The following EIF4G3 variants were observed in gnomAD, a reference collection of about 807,000 sequenced individuals.
EIF4G3 encodes the protein eIF-4-gamma 3.
EIF4G3 carries 34 observed loss-of-function variants against 186.4 expected under a neutral mutation model. The observed-to-expected ratio is 0.18, with a 90% CI of 0.14 to 0.24. EIF4G3 has a LOEUF of 0.24. Among genes scored for constraint, EIF4G3 ranks in the 10% least tolerant of loss-of-function variants. The pLI is 1.00. For missense variants in EIF4G3, 1,536 were observed against 1,948.5 expected (o/e 0.79, Z 3.99); for synonymous variants, 673 against 679.5 (o/e 0.99, Z 0.15).
chr1:21,021,954 A>G (rs1299403126), intron 4 of EIF4G3, among the ~76,000 whole-genome samples: 1 of 152,184 alleles, frequency 6.6e-6, no homozygotes, highest in Non-Finnish European at 1.5e-5. Flanking sequence ...TTGCTACTAT[A>G]ATTTAATATT....
At chr1:21,110,557 A>C (rs1003647383) in intron 2 of EIF4G3, among the ~76,000 whole-genome samples, 7 of 152,082 alleles carry the variant, frequency 4.6e-5, no homozygotes, top group African/African-American at 1.4e-4. Flanking sequence ...GGCCTTCCAA[A>C]GTGCTAGGAT....
In EIF4G3 at chr1:20,962,919, G is replaced by GT. The variant is rs200757094; in HGVS notation, c.714+6554dup. 2.4e-3 allele frequency among the ~76,000 whole-genome samples: 299 copies of GT among 123,774 alleles called. 1 individual carries two copies. Among genetic ancestry groups the GT allele is most frequent in the South Asian group, 4.8e-3 (18 of 3,756 alleles). 81.2% of individuals were successfully genotyped at this position (123,774 alleles called of 152,430 possible). A position where few individuals can be genotyped will look rare whatever the true frequency, so the allele number is the denominator to read the frequency against. Reference sequence around the variant, plus strand: ...CCTCTTGTAGTTTTGTTTTTTTTTTGTTTTTTTTTTTTTTGAGAGACAAGG... The same window carrying GT: ...CCTCTTGTAGTTTTGTTTTTTTTTTGTTTTTTTTTTTTTTTGAGAGACAAGG... On this transcript the variant is annotated intron_variant, in intron 12 of 36. Transcript: ENST00000602326.
At chr1:21,022,468 G>A (rs2090964780) in intron 4 of EIF4G3, among the ~76,000 whole-genome samples, 1 of 152,170 alleles carries the variant, frequency 6.6e-6, no homozygotes, top group Non-Finnish European at 1.5e-5. Context: ...TCAGAAAACA[G>A]CTGAGTCACC....
chr1:20,882,099 C>G (rs1009785937), intron 19 of EIF4G3, among the ~76,000 whole-genome samples: 46 of 150,628 alleles, frequency 3.1e-4, no homozygotes, highest in South Asian at 1.5e-3. Context: ...GGAGGTCAAG[C>G]CTTCAGTGAG....
intron 13 of EIF4G3, among the ~76,000 whole-genome samples, chr1:20,945,959 T>C (rs1002657650): frequency 2.0e-5 from 3 of 152,216 alleles, no homozygotes; most frequent in Non-Finnish European, 2.9e-5. Context: ...TTAGCTGTAG[T>C]TTCCATAAAG....
At position 21,088,151 on chromosome 1, in the gene EIF4G3, G is replaced by A. The variant is rs374712526; in HGVS notation, c.-196+987C>T. Among the ~76,000 whole-genome samples, 74 of 152,116 alleles carry A rather than the reference G, an allele frequency of 4.9e-4. No homozygotes were observed. In the East Asian group the frequency reaches 0.014, roughly 28 times the overall value. The stretch of plus-strand genomic sequence containing the variant: ...TGTTAAAAACAGTGTTCATGGCCAG[G>A]CACAGTGGCTCAGGCCTGTAATCCC... On this transcript the variant is annotated intron_variant, in intron 3 of 36. Transcript: ENST00000602326.
chr1:20,823,878 T>A (rs2062989143), intron 33 of EIF4G3, among the ~76,000 whole-genome samples: 6 of 152,224 alleles, frequency 3.9e-5, no homozygotes, highest in Admixed American at 3.9e-4. Context: ...GAACACCAAG[T>A]GTCAACTCAT....
At chr1:20,930,783 G>A (rs537574671) in intron 14 of EIF4G3, among the ~76,000 whole-genome samples, 15 of 152,268 alleles carry the variant, frequency 9.9e-5, no homozygotes, top group Admixed American at 3.3e-4. Flanking sequence ...GCCCCTCAAA[G>A]TTGTCCATGA....
chr1:20,852,609 G>A (rs972708975), intron 27 of EIF4G3, among the ~76,000 whole-genome samples: 8 of 152,110 alleles, frequency 5.3e-5, no homozygotes, highest in African/African-American at 1.9e-4. Context: ...CAAACAGTTC[G>A]TTGGCCCGTG....
Position 21,176,239 on chromosome 1 carries a change from C to T in EIF4G3, c.-336G>A. 1 of 354,878 alleles carries T rather than the reference C, an allele frequency of 2.8e-6. No individual in the cohort carries two copies. The allele number at this position is 354,878 out of a possible 1,614,324, so 22.0% of individuals were successfully genotyped here. A position where few individuals can be genotyped will look rare whatever the true frequency, so the allele number is the denominator to read the frequency against. ...TGAGGAGGGGGGACCGCTGCCGCCGCCGCCGCCGCCGCCGCCGCCGCCGCC... is the reference window on the plus strand; with the variant it reads ...TGAGGAGGGGGGACCGCTGCCGCCGTCGCCGCCGCCGCCGCCGCCGCCGCC... On this transcript the variant is annotated 5_prime_UTR_variant, in exon 2 of 37. Transcript: ENST00000602326.
intron 2 of EIF4G3, among the ~76,000 whole-genome samples, chr1:21,137,305 G>C (rs2097263363): frequency 6.6e-6 from 1 of 151,756 alleles, no homozygotes; most frequent in Non-Finnish European, 1.5e-5. Context: ...CACCACACTT[G>C]GCTAATTAAT....
intron 4 of EIF4G3, among the ~76,000 whole-genome samples, chr1:21,047,188 CTT>C (rs2093941628): frequency 1.3e-5 from 2 of 152,198 alleles, no homozygotes; most frequent in Non-Finnish European, 2.9e-5. Context: ...TTTGAACGCT[CTT>C]CTTTCCATTA....
chr1:21,133,559 A>G (rs1304038680), intron 2 of EIF4G3, among the ~76,000 whole-genome samples: 2 of 152,050 alleles, frequency 1.3e-5, no homozygotes, highest in Non-Finnish European at 2.9e-5. Context: ...TGTCTATGCT[A>G]TTGGTTTGGA....
intron 2 of EIF4G3, among the ~76,000 whole-genome samples, chr1:21,153,505 T>A (rs367758923): frequency 6.6e-6 from 1 of 152,206 alleles, no homozygotes; most frequent in East Asian, 1.9e-4. Context: ...TATGGTTGTT[T>A]AGGGGCTTGA....
chr1:20,968,186 T>C (rs527622308), intron 12 of EIF4G3, among the ~76,000 whole-genome samples: 2 of 152,026 alleles, frequency 1.3e-5, no homozygotes, highest in Non-Finnish European at 2.9e-5. Flanking sequence ...TTTTTTTTTT[T>C]TTTTTAAGAC....
intron 2 of EIF4G3, among the ~76,000 whole-genome samples, chr1:21,141,582 G>C (rs1250261767): frequency 2.0e-5 from 3 of 151,462 alleles, no homozygotes; most frequent in East Asian, 3.9e-4. Flanking sequence ...ACAAAAAACA[G>C]ATCCAACCCT....
In EIF4G3 at chr1:21,159,963, A is replaced by G. The variant is rs144207928; in HGVS notation, c.-272+16212T>C. On this transcript the variant is annotated intron_variant, in intron 2 of 36. Transcript: ENST00000602326. ...TATACAAAAATACAAAAAGTTAGCC[A>G]GGCATGATGGCAGGTGCCTGTAATC... 2.1e-3 allele frequency among the ~76,000 whole-genome samples: 314 copies of G among 152,198 alleles called. 5 individuals carry two copies. The highest frequency in any genetic ancestry group is 7.1e-3 in the African/African-American group (296 of 41,538).
intron 2 of EIF4G3, among the ~76,000 whole-genome samples, chr1:21,137,815 C>CA (rs201685410): frequency 0.42 from 42,753 of 102,814 alleles, 7,736 homozygotes; most frequent in Non-Finnish European, 0.48. Context: ...GACCCTGTCT[C>CA]AAAAAAAAAA....
At chr1:21,101,562 G>GAAAAAAAAAAAGAAAAAAAAA (rs1553241665) in intron 2 of EIF4G3, among the ~76,000 whole-genome samples, 1 of 35,370 alleles carries the variant, frequency 2.8e-5, no homozygotes, top group Non-Finnish European at 5.3e-5. Flanking sequence ...AGGGTCTCAG[G>GAAAAAAAAAAAGAAAAAAAAA]AAAAAAAAAA....
Sources: gnomAD v4.1 joint callset for allele counts (sites outside exome capture counted in the v4.1 genomes callset) on GRCh38, gnomAD v4.1.1 for gene constraint, MANE v1.5 for transcripts, NCBI Gene and HGNC (gene_info 2026-07-23, HGNC 2026-07-21) for gene names.